The following DAAM2 variants were observed in gnomAD, a reference collection of about 807,000 sequenced individuals.
DAAM2 encodes disheveled-associated activator of morphogenesis 2.
Under a neutral mutation model 120.7 loss-of-function variants are expected in DAAM2, and 39 were observed. The observed-to-expected ratio is 0.32, with a 90% CI of 0.25 to 0.42. The LOEUF (loss-of-function observed/expected upper bound fraction) is 0.42. DAAM2 is among the 10% of genes least tolerant of loss of function. The probability of loss-of-function intolerance (pLI) is 1.00; values close to 1 mark genes in which losing one functional copy is unlikely to be tolerated. For synonymous variants in DAAM2, 488 were observed against 524.9 expected, an observed-to-expected ratio of 0.93 and a Z score of 0.96; for missense variants, 1,283 against 1,401.7, an observed-to-expected ratio of 0.92 and a Z score of 1.35.
intron 19 of DAAM2, 51 bp downstream of exon 19, chr6:39,891,773 G>T: frequency 6.8e-7 from 1 of 1,477,698 alleles, no homozygotes; most frequent in Middle Eastern, 1.7e-4. Context: ...TCTGAGAAAG[G>T]CAGGGTGGGT....
chr6:39,824,432 C>T (rs1762596609), intron 1 of DAAM2, among the ~76,000 whole-genome samples: 1 of 152,302 alleles, frequency 6.6e-6, no homozygotes, highest in Admixed American at 6.5e-5. Context: ...GCCCTGTGCT[C>T]CAGGATCAAG....
rs780925746 is a variant in DAAM2 at position 39,898,919 on chromosome 6, C to A, written c.2661C>A (p.Gly887=). 2 of 1,612,260 alleles carry A rather than the reference C, an allele frequency of 1.2e-6. No individual in the cohort carries two copies. The highest frequency in any genetic ancestry group is 1.1e-5 in the South Asian group (1 of 90,452). The change falls in exon 22 of 25, where the codon GGC becomes GGA. Residue 887 remains glycine, a synonymous_variant. Coordinates refer to ENST00000274867, the MANE Select transcript of DAAM2 (RefSeq NM_001201427.2). ...AGGAGGTGGGCAACCTCAGGAGGGG[C>A]CTGAGAGCGGTGGAGGTGGTGAGTA... ...LEKEVGNLRR[G]LRAVEVELEY...
intron 5 of DAAM2, among the ~76,000 whole-genome samples, chr6:39,865,892 T>C (rs1429308719): frequency 1.3e-5 from 2 of 152,254 alleles, no homozygotes; most frequent in Non-Finnish European, 2.9e-5. Context: ...ACATGCATTG[T>C]ATGTGCATGG....
chr6:39,833,787 A>G (rs1277315358), intron 1 of DAAM2, among the ~76,000 whole-genome samples: 1 of 152,246 alleles, frequency 6.6e-6, no homozygotes, highest in African/African-American at 2.4e-5. Context: ...AAAAGGAAAA[A>G]AAAGGAAACA....
chr6:39,878,454 A>G lies in DAAM2; in HGVS notation c.1411A>G (p.Thr471Ala). Residue 471 changes from threonine (T) to alanine (A), a missense_variant, in exon 13 of 25, where the codon ACA becomes GCA. Physicochemically the swap from Thr to Ala is moderately conservative, Grantham distance 58 (BLOSUM62 0). This residue lies in a region of DAAM2 where 338 missense variants were observed against 443.9 expected (regional missense o/e 0.76). Coordinates refer to ENST00000274867, the MANE Select transcript of DAAM2 (RefSeq NM_001201427.2). The surrounding 1 kb of genome is among the most constrained non-coding windows in gnomAD (Gnocchi z 5.0). The stretch of plus-strand genomic sequence containing the variant: ...GGAGAGGAAGGAGCGGGAATGCGAG[A>G]CAAAGACATTGGAGAAGGAAGAGAT... Reference protein sequence around the residue: ...RLERKERECETKTLEKEEMMR... With the variant: ...RLERKERECEAKTLEKEEMMR... 8.7e-6 allele frequency: 14 copies of G among 1,611,912 alleles called. No individual in the cohort carries two copies. Among genetic ancestry groups the G allele is most frequent in the Non-Finnish European group, 1.0e-5 (12 of 1,178,914 alleles).
At chr6:39,856,704 A>T (rs1250860739) in intron 2 of DAAM2, among the ~76,000 whole-genome samples, 2 of 152,188 alleles carry the variant, frequency 1.3e-5, no homozygotes, top group Non-Finnish European at 2.9e-5. Flanking sequence ...TCTGCATTGG[A>T]TTGTAGACCA....
At chr6:39,832,889 T>G (rs1319755719) in intron 1 of DAAM2, among the ~76,000 whole-genome samples, 1 of 152,106 alleles carries the variant, frequency 6.6e-6, no homozygotes, top group Admixed American at 6.5e-5. Flanking sequence ...TGCTGAAGCT[T>G]AGGTCTTCCT....
chr6:39,808,701 G>A (rs569768670), intron 1 of DAAM2, among the ~76,000 whole-genome samples: 67 of 152,342 alleles, frequency 4.4e-4, no homozygotes, highest in African/African-American at 1.5e-3. Context: ...CATACACTGT[G>A]TTGGCCCTGA....
At chr6:39,809,266 G>A (rs966651565) in intron 1 of DAAM2, among the ~76,000 whole-genome samples, 1 of 152,146 alleles carries the variant, frequency 6.6e-6, no homozygotes, top group African/African-American at 2.4e-5. Flanking sequence ...AACGTAATGG[G>A]GGAGTGGGCA....
Position 39,901,729 on chromosome 6 carries a change from A to G in DAAM2, c.2983-84A>G. On this transcript the variant is annotated intron_variant, in intron 24 of 24. Transcript: ENST00000274867. This position sits in a 1 kb window ranked among gnomAD's most constrained non-coding sequence, Gnocchi z 4.5. The stretch of plus-strand genomic sequence containing the variant: ...CAGGCAGGCAGCATGACCATGGCCT[A>G]GGAGTTAGCCCAGGGTTGGGGGGCT... 7.8e-7 allele frequency: 1 copy of G among 1,286,624 alleles called. No individual in the cohort carries two copies. The highest frequency in any genetic ancestry group is 1.0e-6 in the Non-Finnish European group (1 of 958,722). 79.7% of individuals were successfully genotyped at this position (1,286,624 alleles called of 1,614,324 possible).
At chr6:39,849,314 C>T (rs1014792600) in intron 1 of DAAM2, among the ~76,000 whole-genome samples, 1 of 152,134 alleles carries the variant, frequency 6.6e-6, no homozygotes, top group African/African-American at 2.4e-5. Flanking sequence ...TAATATCTGC[C>T]AAGCCCTATA....
rs375802783 is a variant in DAAM2 at position 39,878,591 on chromosome 6, A to T, written c.1545+3A>T. 2 of 1,599,940 alleles carry T rather than the reference A, an allele frequency of 1.3e-6. No homozygotes were observed. Among genetic ancestry groups the T allele is most frequent in the African/African-American group, 2.7e-5 (2 of 74,424 alleles). ...TAGCCCAGCTCAGTGAACTCTCAGT[A>T]TGCAAGCATCTCCCCCTTTACATAG... On this transcript the variant is annotated splice_donor_region_variant and intron_variant, in intron 13 of 24. Transcript: ENST00000274867. This position sits in a 1 kb window ranked among gnomAD's most constrained non-coding sequence, Gnocchi z 5.0.
chr6:39,879,927 G>A (rs746468335), intron 14 of DAAM2: 1 of 272,110 alleles, frequency 3.7e-6, no homozygotes, highest in Non-Finnish European at 7.1e-6. Flanking sequence ...TCTTCCTGGG[G>A]GAAGCTGCAC....
intron 1 of DAAM2, among the ~76,000 whole-genome samples, chr6:39,817,355 C>T (rs1342086785): frequency 6.6e-6 from 1 of 152,184 alleles, no homozygotes; most frequent in Non-Finnish European, 1.5e-5. Context: ...CTCCAAATTT[C>T]AGTGACTGAA....
intron 7 of DAAM2, among the ~76,000 whole-genome samples, chr6:39,870,068 C>T (rs564767801): frequency 4.6e-5 from 7 of 152,292 alleles, no homozygotes; most frequent in African/African-American, 1.7e-4. Flanking sequence ...CACTCTACAA[C>T]ACTGCTCTTT....
intron 1 of DAAM2, among the ~76,000 whole-genome samples, chr6:39,827,543 G>A (rs889075153): frequency 5.9e-5 from 9 of 152,126 alleles, no homozygotes; most frequent in Admixed American, 5.2e-4. Context: ...CCTCACTCAC[G>A]CCTTGGCTCT....
rs1289931443 is a variant in DAAM2, at chr6:39,901,366, G to C, written c.2876G>C (p.Gly959Ala). ...DSKMQPDEFF[G>A]IFDTFLQAFS... ...AAGATGCAGCCAGACGAATTCTTTG[G>C]CATCTTTGATACCTTCTTGCAGGCC... The change falls in exon 24 of 25, where the codon GGC (glycine) becomes GCC (alanine). Residue 959 changes from glycine to alanine, a missense_variant. Transcript: ENST00000274867. This position sits in a 1 kb window ranked among gnomAD's most constrained non-coding sequence, Gnocchi z 4.5. 1.5e-5 allele frequency: 25 copies of C among 1,613,828 alleles called. No homozygotes were observed. The highest frequency in any genetic ancestry group is 2.7e-5 in the African/African-American group (2 of 74,912).
At chr6:39,822,338 C>T (rs1311015496) in intron 1 of DAAM2, 3 of 152,224 alleles carry the variant, frequency 2.0e-5, no homozygotes, top group Non-Finnish European at 2.9e-5. Context: ...GCCCCTGGCA[C>T]TCACCCGAGG....
Position 39,867,534 on chromosome 6 carries a change from G to A in DAAM2, c.453G>A (p.Leu151=). The A allele has an allele frequency of 1.9e-6, 3 of 1,613,986 alleles. No homozygotes were observed. Among genetic ancestry groups the A allele is most frequent in the Non-Finnish European group, 2.5e-6 (3 of 1,179,858 alleles). The part of the protein sequence containing the change: ...PMRFVTRFIE[L]EGLTCLLNFL... The stretch of plus-strand genomic sequence containing the variant: ...GGTTTGTGACCCGCTTCATTGAGCT[G>A]GAGGGCTTGACCTGTCTGCTAAATT... The change falls in exon 6 of 25, where the codon CTG becomes CTA. Residue 151 remains leucine, a synonymous_variant. Coordinates refer to ENST00000274867, the MANE Select transcript of DAAM2 (RefSeq NM_001201427.2).
Sources: allele counts gnomAD v4.1 joint callset (sites outside exome capture counted in the v4.1 genomes callset), GRCh38; gene constraint gnomAD v4.1.1; regional missense constraint gnomAD v4.1.1; non-coding constraint Gnocchi (gnomAD v3.1); transcripts MANE v1.5; gene names NCBI Gene and HGNC (gene_info 2026-07-23, HGNC 2026-07-21).